Variants in CORO2B observed in about 807,000 individuals in gnomAD.
CORO2B encodes the protein coronin-2B.
A neutral mutation model predicts 58.8 loss-of-function variants in CORO2B; 26 were observed. The observed-to-expected ratio is 0.44, with a 90% confidence interval of 0.32 to 0.61. The LOEUF (loss-of-function observed/expected upper bound fraction) is 0.61, where lower values mean the gene tolerates loss of function less well. CORO2B is among the 20% of genes least tolerant of loss of function. The probability of loss-of-function intolerance (pLI) is 0.04; values close to 1 mark genes in which losing one functional copy is unlikely to be tolerated. For synonymous variants in CORO2B, 242 were observed against 253.8 expected (o/e 0.95, Z 0.44); for missense variants, 460 against 645.1 (o/e 0.71, Z 3.11).
the CORO2B span, among the ~76,000 whole-genome samples, chr15:68,551,534 C>A: frequency 6.6e-6 from 1 of 152,094 alleles, no homozygotes; most frequent in African/African-American, 2.4e-5. Flanking sequence ...AACACTTGGG[C>A]CCCTCCTGTG....
At chr15:68,699,726 G>C (rs992188891) in intron 3 of CORO2B, among the ~76,000 whole-genome samples, 4 of 152,170 alleles carry the variant, frequency 2.6e-5, no homozygotes, top group African/African-American at 9.7e-5. Flanking sequence ...TCTCCTGGAG[G>C]ACGTGCTCTG....
At chr15:68,666,163 G>A (rs1902183200) in intron 2 of CORO2B, among the ~76,000 whole-genome samples, 1 of 152,218 alleles carries the variant, frequency 6.6e-6, no homozygotes, top group Non-Finnish European at 1.5e-5. Context: ...TCAAAGCTGA[G>A]TGTCCTATTT....
At position 68,714,079 on chromosome 15, in the gene CORO2B, G is replaced by A. The variant is rs535346839; in HGVS notation, c.765+38G>A. 2.1e-6 allele frequency: 3 copies of A among 1,415,818 alleles called. 1 individual carries two copies. In the East Asian group the frequency reaches 6.9e-5, roughly 32 times the overall value. 87.7% of individuals were successfully genotyped at this position (1,415,818 alleles called of 1,614,324 possible). On this transcript the variant is annotated intron_variant, in intron 6 of 11. Transcript: ENST00000261861. The stretch of plus-strand genomic sequence containing the variant: ...GAGGCCTGCTGGGTTTGGGCTAAAG[G>A]AAGCATCGTTGCCTCGGAGGTCACT...
At chr15:68,532,487 C>G in the CORO2B span, among the ~76,000 whole-genome samples, 33 of 152,116 alleles carry the variant, frequency 2.2e-4, no homozygotes, top group African/African-American at 7.2e-4. Flanking sequence ...ATTTTAGGTT[C>G]TTTTTTATAT....
At chr15:68,563,531 AAAG>A in the CORO2B span, among the ~76,000 whole-genome samples, 1 of 151,800 alleles carries the variant, frequency 6.6e-6, no homozygotes, top group African/African-American at 2.4e-5. Flanking sequence ...AAAGAAGAGA[AAAG>A]AAAAAAATTA....
Position 68,579,187 on chromosome 15 carries a change from TCCGCCGCCGCCCCGGG to T in CORO2B, c.-64_-49del, listed in dbSNP as rs1443334203. 2.0e-6 allele frequency: 2 copies of T among 989,698 alleles called. No homozygotes were observed. Among genetic ancestry groups the T allele is most frequent in the African/African-American group, 1.8e-5 (1 of 56,070 alleles). 61.3% of individuals were successfully genotyped at this position (989,698 alleles called of 1,614,324 possible). On this transcript the variant is annotated 5_prime_UTR_variant, in exon 1 of 12. Coordinates refer to ENST00000261861, the MANE Select transcript of CORO2B (RefSeq NM_006091.5). ...CGAGCCGGGAGCTGCCGGACCCCCT[TCCGCCGCCGCCCCGGG>T]CCGCCGCCGCCGCCCCCGCACGCCG... is the stretch of plus-strand genomic sequence containing the variant.
the CORO2B span, among the ~76,000 whole-genome samples, chr15:68,562,046 T>C: frequency 1.3e-5 from 2 of 152,114 alleles, no homozygotes; most frequent in Admixed American, 1.3e-4. Flanking sequence ...TCCTACCCAG[T>C]GGGTACTGGG....
At chr15:68,596,022 C>G (rs1287926476) in intron 1 of CORO2B, among the ~76,000 whole-genome samples, 1 of 147,338 alleles carries the variant, frequency 6.8e-6, no homozygotes, top group Non-Finnish European at 1.5e-5. Flanking sequence ...TGTGGAGGGT[C>G]GGGGGCTGGG....
intron 1 of CORO2B, among the ~76,000 whole-genome samples, chr15:68,640,732 A>C (rs1041497818): frequency 2.0e-5 from 3 of 152,202 alleles, no homozygotes; most frequent in Admixed American, 1.3e-4. Context: ...GTGCTAAGGA[A>C]ATTGCCGTCC....
At chr15:68,609,874 G>A (rs576818891) in intron 1 of CORO2B, among the ~76,000 whole-genome samples, 6 of 152,122 alleles carry the variant, frequency 3.9e-5, no homozygotes, top group South Asian at 4.1e-4. Context: ...AGGGGAGCAC[G>A]AAGCGGTCTG....
At chr15:68,525,147 A>C in the CORO2B span, among the ~76,000 whole-genome samples, 1 of 152,196 alleles carries the variant, frequency 6.6e-6, no homozygotes, top group Non-Finnish European at 1.5e-5. Context: ...AAAAAACCCC[A>C]AAAACAAAAA....
the CORO2B span, among the ~76,000 whole-genome samples, chr15:68,573,772 A>T: frequency 6.6e-6 from 1 of 152,350 alleles, no homozygotes; most frequent in East Asian, 1.9e-4. Context: ...GGGATGCTTC[A>T]TTCTCCAGGA....
At chr15:68,723,600 C>A (rs1012817376) in intron 11 of CORO2B, among the ~76,000 whole-genome samples, 8 of 151,878 alleles carry the variant, frequency 5.3e-5, no homozygotes, top group African/African-American at 1.7e-4. Context: ...ATTACAGGCA[C>A]CTGCCACCAC....
chr15:68,657,280 G>A (rs926402511), intron 2 of CORO2B, among the ~76,000 whole-genome samples: 7 of 152,142 alleles, frequency 4.6e-5, no homozygotes, highest in African/African-American at 1.7e-4. Context: ...ACTTTGGGAG[G>A]CCAAGGTGGA....
intron 2 of CORO2B, among the ~76,000 whole-genome samples, chr15:68,652,620 G>T (rs966352612): frequency 1.1e-4 from 16 of 152,224 alleles, no homozygotes; most frequent in Admixed American, 2.0e-4. Flanking sequence ...CGGGTCTCTG[G>T]GGCTGGGATG....
rs879681326 is a variant in CORO2B, at chr15:68,616,561, C to T, written c.16-28599C>T. On this transcript the variant is annotated intron_variant, in intron 1 of 11. Transcript: ENST00000261861. ...CCAGATTCAAACCGCCTGCTGGGTG[C>T]CGTGGGCCATTGTGCAAGTCTTCCA... 1.2e-5 allele frequency: 12 copies of T among 985,460 alleles called. No individual in the cohort carries two copies. The South Asian group carries it at 2.3e-4, about 19-fold the overall frequency. The allele number at this position is 985,460 out of a possible 1,614,324, so 61.0% of individuals were successfully genotyped here.
chr15:68,612,527 T>C (rs1900269369), intron 1 of CORO2B, among the ~76,000 whole-genome samples: 1 of 152,088 alleles, frequency 6.6e-6, no homozygotes, highest in Non-Finnish European at 1.5e-5. Context: ...CTGAGAGCTG[T>C]TGGGTTGACA....
chr15:68,563,441 C>T, the CORO2B span, among the ~76,000 whole-genome samples: 2 of 149,496 alleles, frequency 1.3e-5, no homozygotes, highest in African/African-American at 2.5e-5. Context: ...GAGCCTTGAT[C>T]GTGCCACTGC....
At chr15:68,648,029 C>CA (rs59821203) in intron 2 of CORO2B, among the ~76,000 whole-genome samples, 30,707 of 84,150 alleles carry the variant, frequency 0.36, 6,182 homozygotes, top group Admixed American at 0.49. Flanking sequence ...TCCTGTCTCT[C>CA]AAAAAAAAAA....
Sources: allele counts gnomAD v4.1 joint callset (sites outside exome capture counted in the v4.1 genomes callset), GRCh38; gene constraint gnomAD v4.1.1; transcripts MANE v1.5; gene names NCBI Gene and HGNC (gene_info 2026-07-23, HGNC 2026-07-21).